Variants in PDS5B observed in about 807,000 individuals in gnomAD.
The protein encoded by PDS5B is sister chromatid cohesion protein PDS5 homolog B.
PDS5B carries 51 observed loss-of-function variants against 184.1 expected under a neutral mutation model. The observed-to-expected ratio is 0.28, with a 90% CI of 0.22 to 0.35. PDS5B has a LOEUF of 0.35. PDS5B is among the 10% of genes least tolerant of loss of function. The probability of loss-of-function intolerance (pLI) is 1.00; values close to 1 mark genes in which losing one functional copy is unlikely to be tolerated. For missense variants in PDS5B, 1,180 were observed against 1,723.3 expected, an observed-to-expected ratio of 0.68 and a Z score of 5.58; for synonymous variants, 566 against 569.2, an observed-to-expected ratio of 0.99 and a Z score of 0.08.
chr13:32,753,220 G>A, intron 24 of PDS5B, 112 bp from the exon 25 acceptor site: 1 of 739,458 alleles, frequency 1.4e-6, no homozygotes, highest in Non-Finnish European at 2.2e-6. Context: ...AGCAATTATT[G>A]TAGATAAACT....
intron 24 of PDS5B, among the ~76,000 whole-genome samples, chr13:32,751,901 CT>C (rs1224975171): frequency 6.6e-6 from 1 of 151,902 alleles, no homozygotes; most frequent in East Asian, 1.9e-4. Context: ...TTTTGATAAA[CT>C]GAAATTTAAA....
At chr13:32,668,430 T>C (rs1950856054) in intron 7 of PDS5B, among the ~76,000 whole-genome samples, 1 of 152,226 alleles carries the variant, frequency 6.6e-6, no homozygotes, top group African/African-American at 2.4e-5. Flanking sequence ...GTTGACTATC[T>C]TGTATTTATT....
intron 14 of PDS5B, among the ~76,000 whole-genome samples, chr13:32,695,497 T>C (rs1430489358): frequency 6.6e-6 from 1 of 151,980 alleles, no homozygotes; most frequent in Non-Finnish European, 1.5e-5. Context: ...CTCTCTTTGC[T>C]ACTTGGAGCT....
At chr13:32,724,310 C>A (rs556003999) in intron 19 of PDS5B, among the ~76,000 whole-genome samples, 1 of 151,826 alleles carries the variant, frequency 6.6e-6, no homozygotes, top group South Asian at 2.1e-4. Context: ...GAGATGGAGT[C>A]TCTCATTATG....
At position 32,775,111 on chromosome 13, in the gene PDS5B, T is replaced by TTTTTTTG; in HGVS notation, c.*60_*61insTTTTTGT. 6.7e-7 allele frequency: 1 copy of TTTTTTTG among 1,501,088 alleles called. No homozygotes were observed. The highest frequency in any genetic ancestry group is 1.4e-5 in the African/African-American group (1 of 71,086). The allele number at this position is 1,501,088 out of a possible 1,614,324, so 93.0% of individuals were successfully genotyped here. On this transcript the variant is annotated 3_prime_UTR_variant, in exon 35 of 35. Transcript: ENST00000315596. ...TTTGGAAAAATCTTTTTTTTTTTTT[T>TTTTTTTG]TGGTCAAGCTTGAGGCTGAATAAAG... is the stretch of plus-strand genomic sequence containing the variant.
rs1368236240 is a variant in PDS5B at position 32,696,775 on chromosome 13, T to C, written c.1552-79T>C. On this transcript the variant is annotated intron_variant, in intron 14 of 34. Coordinates refer to ENST00000315596, the MANE Select transcript of PDS5B (RefSeq NM_015032.4). ...GTCTGCAGCATTTAGTGGGTTATGCTTGTCTAATTTTTTGCAGAGTATGAT... is the reference window on the plus strand; with the variant it reads ...GTCTGCAGCATTTAGTGGGTTATGCCTGTCTAATTTTTTGCAGAGTATGAT... The C allele has an allele frequency of 5.4e-6, 5 of 931,700 alleles. No homozygotes were observed. In the African/African-American group the frequency reaches 8.2e-5, roughly 15 times the overall value. The allele number at this position is 931,700 out of a possible 1,614,324, so 57.7% of individuals were successfully genotyped here. A position where few individuals can be genotyped will look rare whatever the true frequency, so the allele number is the denominator to read the frequency against.
At chr13:32,716,463 G>T (rs1341150295) in intron 19 of PDS5B, among the ~76,000 whole-genome samples, 1 of 150,876 alleles carries the variant, frequency 6.6e-6, no homozygotes, top group Non-Finnish European at 1.5e-5. Context: ...CCCTCCGCCC[G>T]GCAGCCGCCC....
At chr13:32,677,391 C>G (rs746780342) in intron 9 of PDS5B, among the ~76,000 whole-genome samples, 26 of 151,760 alleles carry the variant, frequency 1.7e-4, no homozygotes, top group Non-Finnish European at 2.6e-4. Flanking sequence ...TGGAGAAATC[C>G]TAATGTAAAT....
chr13:32,757,070 G>T (rs1171447648), intron 26 of PDS5B, among the ~76,000 whole-genome samples: 1 of 151,670 alleles, frequency 6.6e-6, no homozygotes, highest in Non-Finnish European at 1.5e-5. Context: ...GGTTGGCAGT[G>T]AGCCAAGATC....
At chr13:32,706,875 A>C (rs1952035919) in intron 17 of PDS5B, 59 bp from the exon 18 acceptor site, 1 of 1,016,226 alleles carries the variant, frequency 9.8e-7, no homozygotes, top group African/African-American at 1.6e-5. Context: ...ACACAGGATT[A>C]TTTTTCTTAG....
At chr13:32,735,063 A>G in intron 20 of PDS5B, 109 bp from the exon 21 acceptor site, 2 of 633,114 alleles carry the variant, frequency 3.2e-6, no homozygotes, top group Non-Finnish European at 4.9e-6. Flanking sequence ...TATAATTTGA[A>G]TTACAAAATA....
intron 1 of PDS5B, among the ~76,000 whole-genome samples, chr13:32,597,093 G>A (rs2057887473): frequency 6.6e-6 from 1 of 151,890 alleles, no homozygotes; most frequent in Admixed American, 6.6e-5. Context: ...GAGTTTAGTG[G>A]CGCCATCATA....
At chr13:32,754,728 T>C (rs1360044440) in intron 25 of PDS5B, among the ~76,000 whole-genome samples, 1 of 152,174 alleles carries the variant, frequency 6.6e-6, no homozygotes, top group Non-Finnish European at 1.5e-5. Context: ...ATTATACTGA[T>C]TGCTTGTGGT....
In PDS5B at chr13:32,732,141, C is replaced by G; in HGVS notation, c.2164C>G (p.Pro722Ala). ...TTTACATCACAAATCTAAAAAAGGA[C>G]CCCCCCGTCAAGCCAAATATGCCAT... is the stretch of plus-strand genomic sequence containing the variant. ...PVLHHKSKKG[P>A]PRQAKYAIHC... Residue 722 changes from proline to alanine, a missense_variant, in exon 20 of 35, where the codon CCC becomes GCC. Transcript: ENST00000315596. 1.9e-6 allele frequency: 3 copies of G among 1,604,012 alleles called. No individual in the cohort carries two copies. Among genetic ancestry groups the G allele is most frequent in the Non-Finnish European group, 2.6e-6 (3 of 1,172,560 alleles).
intron 9 of PDS5B, among the ~76,000 whole-genome samples, chr13:32,676,839 G>A (rs1951077884): frequency 6.6e-6 from 1 of 150,882 alleles, no homozygotes; most frequent in Non-Finnish European, 1.5e-5. Flanking sequence ...GCTGAGGCAG[G>A]AGGATGGCCT....
At chr13:32,683,315 ATTT>A (rs529817272) in intron 10 of PDS5B, among the ~76,000 whole-genome samples, 11 of 119,886 alleles carry the variant, frequency 9.2e-5, no homozygotes, top group Admixed American at 1.7e-4. Flanking sequence ...GGCCTTTAAA[ATTT>A]TTTTTTTTTT....
rs552151466 is a variant in PDS5B, at chr13:32,709,894, T to C, written c.1963-52T>C. The C allele has an allele frequency of 2.7e-6, 3 of 1,103,832 alleles. No homozygotes were observed. The East Asian group carries it at 8.2e-5, about 30-fold the overall frequency. The allele number at this position is 1,103,832 out of a possible 1,614,324, so 68.4% of individuals were successfully genotyped here. On this transcript the variant is annotated intron_variant, in intron 18 of 34. Coordinates refer to ENST00000315596, the MANE Select transcript of PDS5B (RefSeq NM_015032.4). ...TCTAATATGTAATATTTTGGATTTGTATTATAAAGATGAAAAAGTTTTACA... is the reference window on the plus strand; with the variant it reads ...TCTAATATGTAATATTTTGGATTTGCATTATAAAGATGAAAAAGTTTTACA...
intron 12 of PDS5B, 100 bp from the exon 13 acceptor site, chr13:32,688,356 A>G (rs1212953483): frequency 6.8e-6 from 4 of 585,132 alleles, no homozygotes; most frequent in Non-Finnish European, 1.2e-5. Flanking sequence ...AGCGGCAGGA[A>G]CTTCTTTAAT....
At chr13:32,741,377 G>GT (rs901581739) in intron 22 of PDS5B, among the ~76,000 whole-genome samples, 4 of 152,096 alleles carry the variant, frequency 2.6e-5, no homozygotes, top group African/African-American at 9.7e-5. Context: ...TTTGAAAGCT[G>GT]TTTCCCTGAT....
Sources: gnomAD v4.1 joint callset for allele counts (sites outside exome capture counted in the v4.1 genomes callset) on GRCh38, gnomAD v4.1.1 for gene constraint, MANE v1.5 for transcripts, NCBI Gene and HGNC (gene_info 2026-07-23, HGNC 2026-07-21) for gene names.